The following WDTC1 variants were observed in gnomAD, a reference collection of about 807,000 sequenced individuals.
WDTC1 encodes WD and tetratricopeptide repeats 1, also known as WD and tetratricopeptide repeats protein 1.
A neutral mutation model predicts 76.0 loss-of-function variants in WDTC1; 12 were observed. The ratio of observed to expected loss-of-function variants is 0.16; its 90% CI spans 0.10 to 0.26. The LOEUF (loss-of-function observed/expected upper bound fraction) is 0.26. Among genes scored for constraint, WDTC1 ranks in the 10% least tolerant of loss-of-function variants. The pLI is 1.00. For synonymous variants in WDTC1, 326 were observed against 350.8 expected, an observed-to-expected ratio of 0.93 and a Z score of 0.79; for missense variants, 511 against 908.8, an observed-to-expected ratio of 0.56 and a Z score of 5.63.
At chr1:27,289,139 T>C (rs2013443844) in intron 6 of WDTC1, among the ~76,000 whole-genome samples, 1 of 139,290 alleles carries the variant, frequency 7.2e-6, no homozygotes, top group African/African-American at 2.7e-5. Context: ...GGCTCCTCAC[T>C]TCCCAGTAGG....
At position 27,303,495 on chromosome 1, in the gene WDTC1, A is replaced by T; in HGVS notation, c.1469-126A>T. ...CACAACCTTTCCCCAGTTTTCCAGG[A>T]TAAGGGTGGAGGCAGGTAGCTCTAT... On this transcript the variant is annotated intron_variant, in intron 13 of 15. Transcript: ENST00000319394. The surrounding 1 kb of genome is among the most constrained non-coding windows in gnomAD (Gnocchi z 4.8). The T allele has an allele frequency of 8.4e-7, 1 of 1,197,090 alleles. No homozygotes were observed. Among genetic ancestry groups the T allele is most frequent in the Non-Finnish European group, 1.1e-6 (1 of 888,672 alleles). 74.2% of individuals were successfully genotyped at this position (1,197,090 alleles called of 1,614,324 possible). A position where few individuals can be genotyped will look rare whatever the true frequency, so the allele number is the denominator to read the frequency against.
At position 27,297,992 on chromosome 1, in the gene WDTC1, G is replaced by A. The variant is rs769192342; in HGVS notation, c.1113G>A (p.Glu371=). Residue 371 remains glutamate (E), a synonymous_variant, in exon 12 of 16, where the codon GAG becomes GAA. Transcript: ENST00000319394. ...YLERVKQQAN[E]AFACQQWTQA... The stretch of plus-strand genomic sequence containing the variant: ...AGCGTGTGAAACAGCAAGCCAATGA[G>A]GCTTTTGCCTGCCAGCAGTGGACCC... 5.1e-5 allele frequency: 83 copies of A among 1,613,990 alleles called. No homozygotes were observed. The highest frequency in any genetic ancestry group is 6.7e-5 in the Non-Finnish European group (79 of 1,179,970).
intron 3 of WDTC1, among the ~76,000 whole-genome samples, chr1:27,281,711 T>G (rs1352057625): frequency 6.6e-6 from 1 of 152,040 alleles, no homozygotes; most frequent in East Asian, 1.9e-4. Flanking sequence ...AACCTCAGCC[T>G]CCCGAGTAGC....
intron 14 of WDTC1, 31 bp from the exon 15 acceptor site, chr1:27,304,945 TTGAGGCTGTAGGGCAGTACCCCACC>T: frequency 6.5e-7 from 1 of 1,543,986 alleles, no homozygotes; most frequent in Non-Finnish European, 8.8e-7. Flanking sequence ...CAGCCTCTAC[TTGAGGCTGTAGGGCAGTACCCCACC>T]TGACCTCCCT....
chr1:27,277,703 C>T (rs2013071695), intron 3 of WDTC1, among the ~76,000 whole-genome samples: 1 of 152,148 alleles, frequency 6.6e-6, no homozygotes, highest in Non-Finnish European at 1.5e-5. Flanking sequence ...ATGCCAGTAC[C>T]ACACTGTTTT....
At chr1:27,294,666 T>C (rs1475323303) in intron 9 of WDTC1, 37 bp downstream of exon 9, 21 of 1,580,648 alleles carry the variant, frequency 1.3e-5, no homozygotes, top group Non-Finnish European at 1.8e-5. Context: ...CCCATCACCA[T>C]TCCATGCCCA....
At chr1:27,302,275 G>A (rs2013851279) in intron 13 of WDTC1, among the ~76,000 whole-genome samples, 2 of 151,996 alleles carry the variant, frequency 1.3e-5, no homozygotes, top group South Asian at 4.1e-4. Context: ...TCTAGTGAAG[G>A]AACCAAGTGA....
Position 27,274,011 on chromosome 1 carries a change from G to A in WDTC1, c.133-8228G>A, listed in dbSNP as rs190136437. 4.0e-3 allele frequency among the ~76,000 whole-genome samples: 604 copies of A among 152,130 alleles called. 2 individuals carry two copies. The highest frequency in any genetic ancestry group is 0.013 in the African/African-American group (548 of 41,486). ...AATTGTTCATTAGGAAAATACAAAG[G>A]GCTGAGCATAGTGGCTCACACCTGT... On this transcript the variant is annotated intron_variant, in intron 3 of 15. Coordinates refer to ENST00000319394, the MANE Select transcript of WDTC1 (RefSeq NM_001276252.2). This position sits in a 1 kb window ranked among gnomAD's most constrained non-coding sequence, Gnocchi z 4.2.
rs2012534369 is a variant in WDTC1, at chr1:27,263,066, C to T, written c.49-86C>T. On this transcript the variant is annotated intron_variant, in intron 2 of 15. Coordinates refer to ENST00000319394, the MANE Select transcript of WDTC1 (RefSeq NM_001276252.2). The stretch of plus-strand genomic sequence containing the variant: ...TGTCTTCTTTAGCTCCTGTGGTGCC[C>T]AGGAAAGAGCTGGATATATAATAGG... 2.8e-6 allele frequency: 4 copies of T among 1,442,724 alleles called. No individual in the cohort carries two copies. In the South Asian group the frequency reaches 4.7e-5, roughly 17 times the overall value. 89.4% of individuals were successfully genotyped at this position (1,442,724 alleles called of 1,614,324 possible).
chr1:27,282,525 CAG>C (rs2013216587), intron 4 of WDTC1, among the ~76,000 whole-genome samples: 1 of 152,164 alleles, frequency 6.6e-6, no homozygotes, highest in African/African-American at 2.4e-5. Flanking sequence ...GTTTTAGAGA[CAG>C]AGTCTCATTC....
At chr1:27,277,871 C>T (rs1264381233) in intron 3 of WDTC1, among the ~76,000 whole-genome samples, 1 of 152,006 alleles carries the variant, frequency 6.6e-6, no homozygotes, top group South Asian at 2.1e-4. Context: ...GACAGAGTCT[C>T]ACTCTGTTGC....
chr1:27,279,560 G>A (rs1010209396), intron 3 of WDTC1, among the ~76,000 whole-genome samples: 8 of 151,944 alleles, frequency 5.3e-5, no homozygotes, highest in African/African-American at 1.7e-4. Context: ...TTTGTTTCTT[G>A]GGATTTTTTT....
intron 6 of WDTC1, 60 bp downstream of exon 6, chr1:27,287,921 T>C: frequency 3.2e-6 from 5 of 1,548,740 alleles, no homozygotes; most frequent in Non-Finnish European, 4.4e-6. Flanking sequence ...TCCTATAGTG[T>C]TTCCTTCTAC....
At chr1:27,287,647 A>G in intron 5 of WDTC1, 27 bp from the exon 6 acceptor site, 2 of 1,601,544 alleles carry the variant, frequency 1.2e-6, no homozygotes, top group Non-Finnish European at 1.7e-6. Context: ...CTTACCACCC[A>G]CCCCTTCCTC....
chr1:27,279,801 A>G (rs951253912), intron 3 of WDTC1, among the ~76,000 whole-genome samples: 1 of 152,174 alleles, frequency 6.6e-6, no homozygotes, highest in Admixed American at 6.5e-5. Context: ...TCCTGGGCTC[A>G]AGCAATCCTC....
In WDTC1 at chr1:27,306,052, A is replaced by G. The variant is rs961486671; in HGVS notation, c.1837-134A>G. On this transcript the variant is annotated intron_variant, in intron 15 of 15. Coordinates refer to ENST00000319394, the MANE Select transcript of WDTC1 (RefSeq NM_001276252.2). This position sits in a 1 kb window ranked among gnomAD's most constrained non-coding sequence, Gnocchi z 5.0. ...TTGTGTGTTCCCCTCCACCATATAC[A>G]CCTCCTGGCATGTATGTGTACCTCC... 2 of 989,106 alleles carry G rather than the reference A, an allele frequency of 2.0e-6. No homozygotes were observed. The highest frequency in any genetic ancestry group is 3.2e-5 in the African/African-American group (2 of 62,226). 61.3% of individuals were successfully genotyped at this position (989,106 alleles called of 1,614,324 possible).
chr1:27,306,541 C>CA lies in WDTC1; in HGVS notation c.*160dup. On this transcript the variant is annotated 3_prime_UTR_variant, in exon 16 of 16. Transcript: ENST00000319394. The surrounding 1 kb of genome is among the most constrained non-coding windows in gnomAD (Gnocchi z 5.0). ...TTGGCGTTAGGGGTGGAGGTTGCTACAACTTGCTGGCTTTCGGACTCTGGG... is the reference window on the plus strand; with the variant it reads ...TTGGCGTTAGGGGTGGAGGTTGCTACAAACTTGCTGGCTTTCGGACTCTGGG... The CA allele has an allele frequency of 3.1e-6, 3 of 954,194 alleles. No homozygotes were observed. The highest frequency in any genetic ancestry group is 4.5e-6 in the Non-Finnish European group (3 of 660,128). 59.1% of individuals were successfully genotyped at this position (954,194 alleles called of 1,614,324 possible).
At chr1:27,293,442 A>AG (rs2013595000) in intron 7 of WDTC1, among the ~76,000 whole-genome samples, 1 of 150,904 alleles carries the variant, frequency 6.6e-6, no homozygotes, top group Admixed American at 6.6e-5. Context: ...AATTAAAAAA[A>AG]AAAAAAAAAA....
At chr1:27,245,444 A>G (rs1056645468) in intron 1 of WDTC1, among the ~76,000 whole-genome samples, 6 of 151,794 alleles carry the variant, frequency 4.0e-5, no homozygotes, top group Non-Finnish European at 7.3e-5. Flanking sequence ...AAGAAAGAGA[A>G]GCCACGTAAA....
Sources: gnomAD v4.1 joint callset for allele counts (sites outside exome capture counted in the v4.1 genomes callset) on GRCh38, gnomAD v4.1.1 for gene constraint, Gnocchi (gnomAD v3.1) non-coding constraint, MANE v1.5 for transcripts, NCBI Gene and HGNC (gene_info 2026-07-23, HGNC 2026-07-21) for gene names.